Variants in ZNF704 observed in about 807,000 individuals in gnomAD.
The protein encoded by ZNF704 is zinc finger protein 704, also known as glucocorticoid induced gene 1.
In ZNF704, 10 loss-of-function variants were observed where a neutral mutation model predicts 44.7. The observed-to-expected ratio is 0.22, with a 90% CI of 0.14 to 0.38. ZNF704 has a LOEUF of 0.38. ZNF704 is among the 10% of genes least tolerant of loss of function. The probability of loss-of-function intolerance (pLI) is 1.00; values close to 1 mark genes in which losing one functional copy is unlikely to be tolerated. For missense variants in ZNF704, 390 were observed against 545.5 expected (o/e 0.71, Z 2.84); for synonymous variants, 211 against 207.6 (o/e 1.02, Z -0.14).
chr8:80,822,346 G>A (rs200784222), intron 1 of ZNF704, among the ~76,000 whole-genome samples: 9 of 143,112 alleles, frequency 6.3e-5, no homozygotes, highest in East Asian at 2.1e-4. Context: ...TGTTTAATTC[G>A]CACCTATGAG....
At chr8:80,801,322 T>C (rs1807896067) in intron 2 of ZNF704, among the ~76,000 whole-genome samples, 1 of 152,150 alleles carries the variant, frequency 6.6e-6, no homozygotes, top group African/African-American at 2.4e-5. Flanking sequence ...GTGTTCCTGA[T>C]AGATATATAC....
Position 80,821,366 on chromosome 8 carries a change from T to C in ZNF704, c.221+8A>G. On this transcript the variant is annotated splice_region_variant and intron_variant, in intron 2 of 8. Coordinates refer to ENST00000327835, the MANE Select transcript of ZNF704 (RefSeq NM_001033723.3). ...GGCAGACACATGTGAGATTTAATGT[T>C]CCCTTACCTTGCTGGAGGAACATCA... is the stretch of plus-strand genomic sequence containing the variant. 1 of 1,613,382 alleles carries C rather than the reference T, an allele frequency of 6.2e-7. No homozygotes were observed. The highest frequency in any genetic ancestry group is 8.5e-7 in the Non-Finnish European group (1 of 1,179,578).
the ZNF704 span, among the ~76,000 whole-genome samples, chr8:80,884,372 C>A: frequency 2.0e-5 from 3 of 152,110 alleles, no homozygotes; most frequent in Admixed American, 1.3e-4. Context: ...CTTGTCCCAC[C>A]ACCTCCTCCA....
chr8:80,723,008 G>A (rs551655813), intron 2 of ZNF704, among the ~76,000 whole-genome samples: 8 of 152,286 alleles, frequency 5.3e-5, no homozygotes, highest in African/African-American at 1.9e-4. Flanking sequence ...TTGGTTTCAA[G>A]AAAATTGAAA....
intron 2 of ZNF704, among the ~76,000 whole-genome samples, chr8:80,749,096 A>G (rs957474493): frequency 6.6e-6 from 1 of 152,120 alleles, no homozygotes; most frequent in African/African-American, 2.4e-5. Flanking sequence ...GGCCCCATCT[A>G]CTTCCTAACT....
At chr8:80,680,853 AAT>A (rs1290384541) in intron 4 of ZNF704, among the ~76,000 whole-genome samples, 2 of 152,174 alleles carry the variant, frequency 1.3e-5, no homozygotes, top group African/African-American at 4.8e-5. Flanking sequence ...AGGTGAATTC[AAT>A]GTATACCAAG....
chr8:80,711,781 G>A (rs1818991305), intron 2 of ZNF704, among the ~76,000 whole-genome samples: 1 of 152,188 alleles, frequency 6.6e-6, no homozygotes, highest in South Asian at 2.1e-4. Context: ...AATTATGTCT[G>A]ATTCATCTAT....
chr8:80,653,549 GACAA>G (rs36127229), intron 7 of ZNF704, among the ~76,000 whole-genome samples: 15,868 of 151,878 alleles, frequency 0.1, 1,225 homozygotes, highest in African/African-American at 0.22. Context: ...ACCAATAACA[GACAA>G]ACAGAGAGCC....
chr8:80,717,262 A>G (rs934045391), intron 2 of ZNF704, among the ~76,000 whole-genome samples: 5 of 152,228 alleles, frequency 3.3e-5, no homozygotes, highest in South Asian at 2.1e-4. Context: ...CCATTCACAC[A>G]TGCAGTACCA....
intron 2 of ZNF704, among the ~76,000 whole-genome samples, chr8:80,820,767 C>A (rs1808256364): frequency 1.3e-5 from 2 of 152,052 alleles, no homozygotes; most frequent in African/African-American, 4.8e-5. Flanking sequence ...CTGGGCATGG[C>A]TGCATATGCC....
intron 2 of ZNF704, among the ~76,000 whole-genome samples, chr8:80,720,231 A>G (rs1009167314): frequency 2.0e-5 from 3 of 152,160 alleles, no homozygotes. Context: ...ACGGAGATTT[A>G]TATCTCTGCC....
intron 2 of ZNF704, among the ~76,000 whole-genome samples, chr8:80,783,191 A>C (rs1430925941): frequency 6.6e-6 from 1 of 152,214 alleles, no homozygotes; most frequent in Admixed American, 6.5e-5. Context: ...TGACAGAAGC[A>C]AACATTTGCC....
chr8:80,825,960 A>G (rs28876817), intron 1 of ZNF704, among the ~76,000 whole-genome samples: 32,195 of 152,090 alleles, frequency 0.21, 4,746 homozygotes, highest in African/African-American at 0.42. Context: ...ACTAAATGCC[A>G]ACAAGAGAAA....
chr8:80,789,136 T>C (rs1260986172), intron 2 of ZNF704, among the ~76,000 whole-genome samples: 2 of 151,914 alleles, frequency 1.3e-5, no homozygotes, highest in African/African-American at 4.8e-5. Flanking sequence ...AGAAAACAAC[T>C]CCAAAAACAC....
chr8:80,754,344 A>G (rs557904246), intron 2 of ZNF704, among the ~76,000 whole-genome samples: 9 of 152,298 alleles, frequency 5.9e-5, no homozygotes, highest in South Asian at 2.1e-4. Flanking sequence ...TAACTAGTCC[A>G]ACAAATATAG....
At chr8:80,815,509 A>G (rs2129857278) in intron 2 of ZNF704, among the ~76,000 whole-genome samples, 1 of 152,382 alleles carries the variant, frequency 6.6e-6, no homozygotes, top group East Asian at 1.9e-4. Context: ...TTATCTAACA[A>G]TGCTTAACTG....
intron 4 of ZNF704, among the ~76,000 whole-genome samples, chr8:80,671,054 C>G (rs1016767780): frequency 6.6e-6 from 1 of 152,176 alleles, no homozygotes; most frequent in Admixed American, 6.5e-5. Flanking sequence ...AATACGAATC[C>G]AGGGACTCTG....
Position 80,759,426 on chromosome 8 carries a change from C to A in ZNF704, c.221+61948G>T, listed in dbSNP as rs190929181. Among the ~76,000 whole-genome samples, 43 of 152,148 alleles carry A rather than the reference C, an allele frequency of 2.8e-4. No individual in the cohort carries two copies. The East Asian group carries it at 7.0e-3, about 25-fold the overall frequency. On this transcript the variant is annotated intron_variant, in intron 2 of 8. Coordinates refer to ENST00000327835, the MANE Select transcript of ZNF704 (RefSeq NM_001033723.3). ...ATGATCTCACCTCCTACAGTTCATA[C>A]CCTTTTTAATACCCTCTTTACTAGT...
At chr8:80,760,178 G>A (rs1807104543) in intron 2 of ZNF704, among the ~76,000 whole-genome samples, 1 of 152,150 alleles carries the variant, frequency 6.6e-6, no homozygotes, top group East Asian at 1.9e-4. Context: ...ATTGTTTTAA[G>A]CTGCTAAATT....
Sources: allele counts gnomAD v4.1 joint callset (sites outside exome capture counted in the v4.1 genomes callset), GRCh38; gene constraint gnomAD v4.1.1; transcripts MANE v1.5; gene names NCBI Gene and HGNC (gene_info 2026-07-23, HGNC 2026-07-21).